Variants in LRGUK observed in about 807,000 individuals in gnomAD.
LRGUK encodes the protein leucine-rich repeat and guanylate kinase domain-containing protein.
A neutral mutation model predicts 76.0 loss-of-function variants in LRGUK; 65 were observed. The observed-to-expected ratio is 0.85, with a 90% CI of 0.70 to 1.05. The LOEUF is 1.05. Ranked by LOEUF, LRGUK falls within the 50% of genes least tolerant of loss-of-function variation. The pLI is 0.00. For missense variants in LRGUK, 758 were observed against 732.8 expected (o/e 1.03, Z -0.40); for synonymous variants, 268 against 265.6 (o/e 1.01, Z -0.09).
exon 12 of LRGUK, chr7:134,191,667 C>A: frequency 6.2e-7 from 1 of 1,611,428 alleles, no homozygotes; most frequent in Non-Finnish European, 8.5e-7. Flanking sequence ...CCTGTCATAC[C>A]ACAAGACCAC....
At chr7:134,172,052 G>T (rs1210691158) in intron 7 of LRGUK, among the ~76,000 whole-genome samples, 4 of 152,146 alleles carry the variant, frequency 2.6e-5, no homozygotes, top group Non-Finnish European at 4.4e-5. Flanking sequence ...AAAACCAACT[G>T]ATCCCAGCTG....
intron 12 of LRGUK, among the ~76,000 whole-genome samples, chr7:134,193,310 A>G (rs1933262595): frequency 6.6e-6 from 1 of 152,242 alleles, no homozygotes; most frequent in Non-Finnish European, 1.5e-5. Flanking sequence ...ATTAGTAAGA[A>G]GCATTCTCTT....
intron 10 of LRGUK, among the ~76,000 whole-genome samples, chr7:134,179,273 A>G (rs934803210): frequency 6.6e-6 from 1 of 152,206 alleles, no homozygotes; most frequent in Admixed American, 6.5e-5. Context: ...ATTTCTTTTT[A>G]AAACAATCTG....
chr7:134,168,810 T>C (rs527453113), intron 7 of LRGUK, among the ~76,000 whole-genome samples: 1 of 152,124 alleles, frequency 6.6e-6, no homozygotes, highest in African/African-American at 2.4e-5. Context: ...CCCTGGTTCA[T>C]GGTTCTTTAT....
chr7:134,188,480 G>T (rs868441341), intron 11 of LRGUK, among the ~76,000 whole-genome samples: 2 of 152,104 alleles, frequency 1.3e-5, no homozygotes, highest in African/African-American at 4.8e-5. Flanking sequence ...AGGAAGTCTG[G>T]AGACAAGCAG....
At chr7:134,193,375 T>G (rs933277571) in intron 12 of LRGUK, among the ~76,000 whole-genome samples, 1 of 152,212 alleles carries the variant, frequency 6.6e-6, no homozygotes, top group African/African-American at 2.4e-5. Context: ...TAATTTATCT[T>G]GTTAGAGTAT....
chr7:134,230,841 T>A (rs1298955925), intron 16 of LRGUK, among the ~76,000 whole-genome samples: 1 of 152,060 alleles, frequency 6.6e-6, no homozygotes. Context: ...AAAGAAGAAG[T>A]GGTTACTGTA....
chr7:134,260,044 T>C (rs1187345103), intron 19 of LRGUK, among the ~76,000 whole-genome samples: 2 of 152,118 alleles, frequency 1.3e-5, no homozygotes, highest in Non-Finnish European at 2.9e-5. Flanking sequence ...TAGAAAGACA[T>C]TAGATTAGGA....
At chr7:134,237,490 T>C (rs1802044698) in intron 16 of LRGUK, among the ~76,000 whole-genome samples, 1 of 152,202 alleles carries the variant, frequency 6.6e-6, no homozygotes, top group Non-Finnish European at 1.5e-5. Flanking sequence ...TTTTTTATCC[T>C]TATTGAAATT....
downstream of LRGUK, among the ~76,000 whole-genome samples, chr7:134,266,229 A>G (rs1048045988): frequency 6.6e-6 from 1 of 151,566 alleles, no homozygotes; most frequent in Non-Finnish European, 1.5e-5. Context: ...ATATAATTAA[A>G]CCACTCACCA....
intron 15 of LRGUK, among the ~76,000 whole-genome samples, chr7:134,221,246 C>A (rs111784467): frequency 2.6e-5 from 4 of 152,044 alleles, no homozygotes; most frequent in African/African-American, 9.7e-5. Context: ...ACTCCTAGCC[C>A]TCTGTGAATG....
At chr7:134,137,986 C>A (rs1234003816) in intron 2 of LRGUK, among the ~76,000 whole-genome samples, 1 of 152,164 alleles carries the variant, frequency 6.6e-6, no homozygotes, top group African/African-American at 2.4e-5. Flanking sequence ...ACTTTTTTCA[C>A]CTTTGCTAGT....
intron 9 of LRGUK, among the ~76,000 whole-genome samples, 165 bp from the exon 10 acceptor site, chr7:134,178,338 T>A (rs537553715): frequency 6.6e-6 from 1 of 152,202 alleles, no homozygotes; most frequent in Admixed American, 6.5e-5. Context: ...TTAGGAAAAT[T>A]AGAGTAGACA....
chr7:134,210,667 C>T (rs1801224300), downstream of LRGUK, among the ~76,000 whole-genome samples: 1 of 152,162 alleles, frequency 6.6e-6, no homozygotes, highest in South Asian at 2.1e-4. Context: ...ATCGAAAGGG[C>T]AGGTCTCAGA....
chr7:134,174,278 T>G (rs139045592), intron 7 of LRGUK, among the ~76,000 whole-genome samples: 4 of 152,262 alleles, frequency 2.6e-5, no homozygotes, highest in Non-Finnish European at 5.9e-5. Flanking sequence ...CTATTTTATT[T>G]CTGCCTTAAA....
chr7:134,204,069 G>C (rs972925793), intron 15 of LRGUK, among the ~76,000 whole-genome samples: 2 of 152,086 alleles, frequency 1.3e-5, no homozygotes, highest in Non-Finnish European at 2.9e-5. Flanking sequence ...TTGTGGGTTT[G>C]GATAAACATG....
chr7:134,247,844 A>G (rs1000963208), intron 17 of LRGUK, among the ~76,000 whole-genome samples, 200 bp downstream of exon 17: 4 of 152,216 alleles, frequency 2.6e-5, no homozygotes, highest in Non-Finnish European at 5.9e-5. Flanking sequence ...CATAGCTACT[A>G]GAAACTGATG....
chr7:134,183,819 C>A, exon 11 of LRGUK: 1 of 1,614,096 alleles, frequency 6.2e-7, no homozygotes. Context: ...TGCCCATCGC[C>A]TCTGCAGACA....
chr7:134,168,043 T>C (rs1799068661), intron 7 of LRGUK, among the ~76,000 whole-genome samples: 1 of 152,160 alleles, frequency 6.6e-6, no homozygotes, highest in Non-Finnish European at 1.5e-5. Flanking sequence ...AATGCCTGGC[T>C]CAGAGGTGTC....
Sources: allele counts gnomAD v4.1 joint callset (sites outside exome capture counted in the v4.1 genomes callset), GRCh38; gene constraint gnomAD v4.1.1; transcripts MANE v1.5; gene names NCBI Gene and HGNC (gene_info 2026-07-23, HGNC 2026-07-21).